The following GRM7 variants were observed in gnomAD, a reference collection of about 807,000 sequenced individuals.
GRM7 encodes the protein metabotropic glutamate receptor 7.
A neutral mutation model predicts 84.5 loss-of-function variants in GRM7; 35 were observed. The observed-to-expected ratio is 0.41, with a 90% CI of 0.32 to 0.55. The LOEUF (loss-of-function observed/expected upper bound fraction) is 0.55, where lower values mean the gene tolerates loss of function less well. Ranked by LOEUF, GRM7 falls within the 20% of genes least tolerant of loss-of-function variation. GRM7 has a pLI of 0.19. For missense variants in GRM7, 1,003 were observed against 1,194.6 expected, an observed-to-expected ratio of 0.84 and a Z score of 2.36; for synonymous variants, 487 against 455.1, an observed-to-expected ratio of 1.07 and a Z score of -0.89.
chr3:6,992,345 A>G (rs1446576653), intron 1 of GRM7, among the ~76,000 whole-genome samples: 1 of 152,220 alleles, frequency 6.6e-6, no homozygotes, highest in Non-Finnish European at 1.5e-5. Context: ...ACAGTCAAGT[A>G]GAAGAGATAA....
chr3:7,644,603 C>G (rs1295739863), intron 8 of GRM7, among the ~76,000 whole-genome samples: 1 of 152,150 alleles, frequency 6.6e-6, no homozygotes, highest in Non-Finnish European at 1.5e-5. Context: ...AAGACTGTAA[C>G]ATGGTATCTC....
rs1002501825 is a variant in GRM7 at position 7,679,324 on chromosome 3, T to C, written c.2452-725T>C. On this transcript the variant is annotated intron_variant, in intron 8 of 9. Transcript: ENST00000357716. ...ACAGGGGATCAGGGGGTCAGGGAGT[T>C]GGGAAATAGTGGACAATTAGTCTAA... Among the ~76,000 whole-genome samples the C allele has an allele frequency of 7.3e-5, 11 of 151,688 alleles. 1 individual carries two copies. In the East Asian group the frequency reaches 2.2e-3, roughly 30 times the overall value.
intron 2 of GRM7, among the ~76,000 whole-genome samples, chr3:7,245,265 T>C (rs1385644801): frequency 1.3e-5 from 2 of 151,980 alleles, no homozygotes; most frequent in African/African-American, 4.8e-5. Context: ...CAAAATGTTT[T>C]AAAATGACAG....
At chr3:7,048,801 T>C (rs927011504) in intron 1 of GRM7, among the ~76,000 whole-genome samples, 3 of 151,966 alleles carry the variant, frequency 2.0e-5, no homozygotes, top group African/African-American at 7.2e-5. Context: ...CACCATGCTG[T>C]ACAATAGATC....
intron 1 of GRM7, among the ~76,000 whole-genome samples, chr3:6,997,385 G>A (rs909543720): frequency 2.6e-5 from 4 of 152,082 alleles, no homozygotes; most frequent in Non-Finnish European, 5.9e-5. Context: ...AGTTCTGCAG[G>A]GCTGGGGACA....
intron 1 of GRM7, among the ~76,000 whole-genome samples, chr3:6,949,137 T>C (rs1692586115): frequency 6.6e-6 from 1 of 152,224 alleles, no homozygotes; most frequent in Non-Finnish European, 1.5e-5. Flanking sequence ...GTTGATGCAG[T>C]TTATTCCTAG....
At chr3:7,401,236 C>T (rs1234436223) in intron 4 of GRM7, among the ~76,000 whole-genome samples, 2 of 152,196 alleles carry the variant, frequency 1.3e-5, no homozygotes, top group African/African-American at 4.8e-5. Context: ...TCGATACTGT[C>T]GCTGACCCAG....
intron 9 of GRM7, among the ~76,000 whole-genome samples, chr3:7,685,217 G>A (rs1700532456): frequency 6.6e-6 from 1 of 152,132 alleles, no homozygotes; most frequent in African/African-American, 2.4e-5. Flanking sequence ...GATAAGAACT[G>A]CAGCCTTCTT....
At chr3:7,502,149 C>T (rs1046041331) in intron 7 of GRM7, among the ~76,000 whole-genome samples, 3 of 152,080 alleles carry the variant, frequency 2.0e-5, no homozygotes, top group African/African-American at 4.8e-5. Context: ...GAACTAACAT[C>T]GCACTCTTGC....
At chr3:7,171,977 A>T (rs1194498596) in intron 2 of GRM7, among the ~76,000 whole-genome samples, 3 of 152,208 alleles carry the variant, frequency 2.0e-5, no homozygotes, top group Non-Finnish European at 4.4e-5. Flanking sequence ...TGGCTGCAGA[A>T]GTAGGTTTAG....
At chr3:7,425,615 G>T (rs1436684916) in intron 5 of GRM7, among the ~76,000 whole-genome samples, 2 of 152,118 alleles carry the variant, frequency 1.3e-5, no homozygotes, top group Non-Finnish European at 2.9e-5. Flanking sequence ...TACCAAAGTG[G>T]TCCAACACAC....
intron 1 of GRM7, among the ~76,000 whole-genome samples, chr3:6,889,048 A>G (rs971168552): frequency 1.3e-5 from 2 of 152,126 alleles, no homozygotes; most frequent in Non-Finnish European, 2.9e-5. Flanking sequence ...TTATTTGTGT[A>G]TAAGAATGCT....
chr3:7,080,791 T>C (rs1253765184), intron 1 of GRM7, among the ~76,000 whole-genome samples: 2 of 151,976 alleles, frequency 1.3e-5, no homozygotes, highest in Non-Finnish European at 2.9e-5. Context: ...TGTATTGTCT[T>C]TTTCCTCTGG....
chr3:7,346,122 C>T (rs140360520), intron 4 of GRM7, among the ~76,000 whole-genome samples: 18 of 152,102 alleles, frequency 1.2e-4, no homozygotes, highest in African/African-American at 3.6e-4. Context: ...AATTAGGTGA[C>T]GGCAACCATA....
intron 2 of GRM7, among the ~76,000 whole-genome samples, chr3:7,232,002 C>T (rs1021470060): frequency 6.6e-6 from 1 of 152,064 alleles, no homozygotes; most frequent in Non-Finnish European, 1.5e-5. Context: ...CCGAAGTACA[C>T]AGATCATTGA....
chr3:6,939,041 T>G (rs1382663072), intron 1 of GRM7, among the ~76,000 whole-genome samples: 1 of 152,150 alleles, frequency 6.6e-6, no homozygotes, highest in African/African-American at 2.4e-5. Context: ...ACTGCTAGAG[T>G]TTTATATGTT....
At chr3:7,573,926 C>A (rs558833451) in intron 7 of GRM7, among the ~76,000 whole-genome samples, 5 of 152,090 alleles carry the variant, frequency 3.3e-5, no homozygotes, top group African/African-American at 4.8e-5. Flanking sequence ...AGATAGAATG[C>A]GTGACTGCAA....
chr3:7,036,919 C>T (rs1696409766), intron 1 of GRM7, among the ~76,000 whole-genome samples: 1 of 152,078 alleles, frequency 6.6e-6, no homozygotes, highest in African/African-American at 2.4e-5. Context: ...ATGAGTCTGG[C>T]CACCCTGTCC....
rs553803124 is a variant in GRM7, at chr3:7,364,419, A to G, written c.1034-50604A>G. ...AAGCAGTGCCTATCTGGATGTCTAA[A>G]AAATGTATTTGAGAATCTCTGATCT... On this transcript the variant is annotated intron_variant, in intron 4 of 9. Transcript: ENST00000357716. 3.9e-5 allele frequency among the ~76,000 whole-genome samples: 6 copies of G among 151,970 alleles called. No individual in the cohort carries two copies. In the South Asian group the frequency reaches 1.2e-3, roughly 32 times the overall value.
Sources: allele counts gnomAD v4.1 joint callset (sites outside exome capture counted in the v4.1 genomes callset), GRCh38; gene constraint gnomAD v4.1.1; transcripts MANE v1.5; gene names NCBI Gene and HGNC (gene_info 2026-07-23, HGNC 2026-07-21).